Variants in CUBN observed in about 807,000 individuals in gnomAD.
CUBN encodes the protein cubilin.
Under a neutral mutation model 405.3 loss-of-function variants are expected in CUBN, and 282 were observed. That is an observed-to-expected ratio of 0.70 (90% confidence interval 0.63 to 0.77). The LOEUF (loss-of-function observed/expected upper bound fraction) is 0.77, where lower values mean the gene tolerates loss of function less well. Among genes scored for constraint, CUBN ranks in the 30% least tolerant of loss-of-function variants. CUBN has a pLI of 0.00. For synonymous variants in CUBN, 1,684 were observed against 1,617.0 expected, an observed-to-expected ratio of 1.04 and a Z score of -0.99; for missense variants, 4,514 against 4,475.2, an observed-to-expected ratio of 1.01 and a Z score of -0.25.
At chr10:16,996,619 G>GTT (rs1218535704) in intron 28 of CUBN, among the ~76,000 whole-genome samples, 3 of 111,576 alleles carry the variant, frequency 2.7e-5, no homozygotes, top group Middle Eastern at 4.7e-3. Context: ...TCGTATCTGT[G>GTT]TGTTTTTAAT....
At chr10:16,851,966 TTCCC>T (rs1220977405) in intron 59 of CUBN, among the ~76,000 whole-genome samples, 2 of 82,874 alleles carry the variant, frequency 2.4e-5, no homozygotes. Context: ...CCCTCAATCT[TTCCC>T]TCCCTCCCTC....
intron 57 of CUBN, among the ~76,000 whole-genome samples, chr10:16,874,930 C>A (rs1253918227): frequency 6.6e-6 from 1 of 152,176 alleles, no homozygotes; most frequent in South Asian, 2.1e-4. Flanking sequence ...ATCTGGAAAT[C>A]TGAAATAATA....
chr10:16,868,327 G>T (rs1840245985), intron 59 of CUBN, among the ~76,000 whole-genome samples: 1 of 152,176 alleles, frequency 6.6e-6, no homozygotes, highest in African/African-American at 2.4e-5. Context: ...CCAATATCAA[G>T]AAGTTGAAGG....
chr10:17,103,737 A>C (rs567041231), intron 12 of CUBN, among the ~76,000 whole-genome samples: 1 of 152,236 alleles, frequency 6.6e-6, no homozygotes, highest in Non-Finnish European at 1.5e-5. Flanking sequence ...GAGGGGCAGA[A>C]GAGTCAAAAG....
In CUBN at chr10:17,065,546, C is replaced by G. The variant is rs778092585; in HGVS notation, c.3101G>C (p.Gly1034Ala). The G allele has an allele frequency of 3.3e-5, 53 of 1,613,398 alleles. No individual in the cohort carries two copies. The highest frequency in any genetic ancestry group is 6.6e-5 in the South Asian group (6 of 91,078). Residue 1034 changes from glycine (G) to alanine (A), a missense_variant, in exon 22 of 67, where the codon GGC becomes GCC. By Grantham distance (60) the Gly-to-Ala change is moderately conservative (BLOSUM62 0). Coordinates refer to ENST00000377833, the MANE Select transcript of CUBN (RefSeq NM_001081.4). Reference sequence around the variant, plus strand: ...GATTGCTTCATAGTTTATTAAGAAGCCTTCATAAGCGAGGTCGGAGTCAGT... The same window carrying G: ...GATTGCTTCATAGTTTATTAAGAAGGCTTCATAAGCGAGGTCGGAGTCAGT... ...FVTDSDLAYE[G>A]FLINYEAISA...
In CUBN at chr10:17,127,896, T is replaced by G. The variant is rs867995177; in HGVS notation, c.281A>C (p.Glu94Ala). The G allele has an allele frequency of 6.2e-7, 1 of 1,609,272 alleles. No individual in the cohort carries two copies. The highest frequency in any genetic ancestry group is 8.5e-7 in the Non-Finnish European group (1 of 1,176,412). Residue 94 changes from glutamate (E) to alanine (A), a missense_variant, in exon 3 of 67, where the codon GAG (glutamate) becomes GCG (alanine). Physicochemically the swap from Glu to Ala is moderately radical, Grantham distance 107. Coordinates refer to ENST00000377833, the MANE Select transcript of CUBN (RefSeq NM_001081.4). ...QIQKNKEDIIELKGSAIGLPQ... is the reference protein window; with the variant it reads ...QIQKNKEDIIALKGSAIGLPQ... ...CAGACCAATTGCACTCCCTTTTAAC[T>G]CTATAATATCTTCTTTGTTTTTCTG...
chr10:16,911,854 T>C (rs1251316980), intron 48 of CUBN, among the ~76,000 whole-genome samples: 1 of 152,192 alleles, frequency 6.6e-6, no homozygotes, highest in African/African-American at 2.4e-5. Flanking sequence ...GCATCCATTA[T>C]ATTTATAACC....
rs572889605 is a variant in CUBN, at chr10:17,053,132, T to C, written c.3140-5529A>G. ...AGGAAATAGAATGGAATACTAATAA[T>C]ATTCTGTAAACCAAAATGAAGACAG... On this transcript the variant is annotated intron_variant, in intron 22 of 66. Transcript: ENST00000377833. 4.6e-5 allele frequency among the ~76,000 whole-genome samples: 7 copies of C among 152,032 alleles called. No individual in the cohort carries two copies. The South Asian group carries it at 1.5e-3, about 32-fold the overall frequency.
intron 29 of CUBN, 138 bp downstream of exon 29, chr10:16,990,196 C>A: frequency 1.1e-6 from 1 of 871,032 alleles, no homozygotes; most frequent in Non-Finnish European, 1.9e-6. Context: ...CAAATGATCA[C>A]CGAAGGGCTG....
rs181334801 is a variant in CUBN, at chr10:16,982,423, A to T, written c.4695+61T>A. ...AGTAATACATTCACTAAATATGCTT[A>T]TATGGCAGTGTTTTGACCGAGGTTT... On this transcript the variant is annotated intron_variant, in intron 31 of 66. Coordinates refer to ENST00000377833, the MANE Select transcript of CUBN (RefSeq NM_001081.4). 11 of 1,422,238 alleles carry T rather than the reference A, an allele frequency of 7.7e-6. No homozygotes were observed. The East Asian group carries it at 2.5e-4, about 32-fold the overall frequency. 88.1% of individuals were successfully genotyped at this position (1,422,238 alleles called of 1,614,324 possible). A position where few individuals can be genotyped will look rare whatever the true frequency, so the allele number is the denominator to read the frequency against.
At chr10:17,124,036 T>C (rs1275328986) in intron 4 of CUBN, among the ~76,000 whole-genome samples, 1 of 152,200 alleles carries the variant, frequency 6.6e-6, no homozygotes, top group Non-Finnish European at 1.5e-5. Flanking sequence ...GTGGAAATAA[T>C]AATGGATGTT....
intron 14 of CUBN, among the ~76,000 whole-genome samples, chr10:17,093,823 C>A (rs1588637756): frequency 6.6e-6 from 1 of 152,098 alleles, no homozygotes; most frequent in East Asian, 1.9e-4. Context: ...AGTTGAAGAA[C>A]ATTTCAACAG....
chr10:17,035,056 A>G (rs1055305381), intron 27 of CUBN, among the ~76,000 whole-genome samples: 5 of 148,442 alleles, frequency 3.4e-5, no homozygotes, highest in Admixed American at 1.4e-4. Flanking sequence ...TTCAAACTTC[A>G]AAACAAGATA....
chr10:17,128,410 A>G (rs1837248608), intron 2 of CUBN, among the ~76,000 whole-genome samples: 1 of 152,220 alleles, frequency 6.6e-6, no homozygotes, highest in South Asian at 2.1e-4. Context: ...AGCTCTGAAT[A>G]ATGCTGACTT....
rs184441511 is a variant in CUBN at position 17,028,987 on chromosome 10, G to C, written c.4018-9004C>G. 2.6e-5 allele frequency among the ~76,000 whole-genome samples: 4 copies of C among 152,306 alleles called. No homozygotes were observed. In the East Asian group the frequency reaches 7.7e-4, roughly 29 times the overall value. On this transcript the variant is annotated intron_variant, in intron 27 of 66. Coordinates refer to ENST00000377833, the MANE Select transcript of CUBN (RefSeq NM_001081.4). ...GTGGAAGAGACCTTTCGGTTGCCCT[G>C]CCTTTCGCCAGTCTGAGGAGCAGAG... is the stretch of plus-strand genomic sequence containing the variant.
In CUBN at chr10:16,907,595, C is replaced by T; in HGVS notation, c.7618G>A (p.Gly2540Arg). Reference protein sequence around the residue: ...VNVSNEIKSSGNTMKVIFFTD... With the variant: ...VNVSNEIKSSRNTMKVIFFTD... ...AAAAAAATGACTTTCATTGTGTTTCCTGAAGATTTAATCTCATTGCTTACA... is the reference window on the plus strand; with the variant it reads ...AAAAAAATGACTTTCATTGTGTTTCTTGAAGATTTAATCTCATTGCTTACA... Residue 2540 changes from glycine to arginine, a missense_variant, in exon 49 of 67, where the codon GGA (glycine) becomes AGA (arginine). Gly to Arg is a moderately radical substitution (Grantham distance 125, BLOSUM62 -2). Coordinates refer to ENST00000377833, the MANE Select transcript of CUBN (RefSeq NM_001081.4). 2 of 1,613,714 alleles carry T rather than the reference C, an allele frequency of 1.2e-6. No homozygotes were observed. The highest frequency in any genetic ancestry group is 1.7e-6 in the Non-Finnish European group (2 of 1,180,018).
At chr10:17,095,532 T>G (rs1348897951) in intron 14 of CUBN, among the ~76,000 whole-genome samples, 1 of 151,976 alleles carries the variant, frequency 6.6e-6, no homozygotes, top group African/African-American at 2.4e-5. Context: ...ATCATGGAAA[T>G]GCAAATCAAA....
intron 17 of CUBN, among the ~76,000 whole-genome samples, chr10:17,080,786 G>T (rs895040833): frequency 6.6e-6 from 1 of 152,108 alleles, no homozygotes; most frequent in African/African-American, 2.4e-5. Context: ...AGTTCTGATG[G>T]CTTAAATCAC....
chr10:17,060,168 C>T (rs1452658773), intron 22 of CUBN, among the ~76,000 whole-genome samples: 1 of 151,706 alleles, frequency 6.6e-6, no homozygotes, highest in African/African-American at 2.4e-5. Flanking sequence ...GTTGCCCAGG[C>T]TGGAGTGCAG....
Sources: gnomAD v4.1 joint callset for allele counts (sites outside exome capture counted in the v4.1 genomes callset) on GRCh38, gnomAD v4.1.1 for gene constraint, MANE v1.5 for transcripts, NCBI Gene and HGNC (gene_info 2026-07-23, HGNC 2026-07-21) for gene names.